The following UBE2D3 variants were observed in gnomAD, a reference collection of about 807,000 sequenced individuals.
The protein encoded by UBE2D3 is ubiquitin conjugating enzyme E2 D3.
A neutral mutation model predicts 22.8 loss-of-function variants in UBE2D3; 2 were observed. The ratio of observed to expected loss-of-function variants is 0.09; its 90% confidence interval spans 0.04 to 0.28. The LOEUF is 0.28. Among genes scored for constraint, UBE2D3 ranks in the 10% least tolerant of loss-of-function variants. UBE2D3 has a pLI of 1.00. For missense variants in UBE2D3, 27 were observed against 182.5 expected (o/e 0.15, Z 4.91); for synonymous variants, 56 against 60.4 (o/e 0.93, Z 0.34).
upstream of UBE2D3, chr4:102,828,037 T>C: frequency 6.1e-6 from 6 of 985,458 alleles, no homozygotes; most frequent in Non-Finnish European, 7.2e-6. Flanking sequence ...TGTGCGCTTT[T>C]CCTGACGGGG....
At position 102,810,172 on chromosome 4, in the gene UBE2D3, C is replaced by T. The variant is rs553991545; in HGVS notation, c.25-317G>A. ...GTTTAAGAGCTTAGACCAGAGAGAG[C>T]TCAACATTCACGTTATTTGTTGAAC... On this transcript the variant is annotated intron_variant, in intron 2 of 7. Coordinates refer to ENST00000453744, the MANE Select transcript of UBE2D3 (RefSeq NM_181891.3). The T allele has an allele frequency of 9.9e-4, 221 of 223,392 alleles. 2 individuals carry two copies. Among genetic ancestry groups the T allele is most frequent in the African/African-American group, 4.5e-3 (194 of 43,224 alleles). 13.8% of individuals were successfully genotyped at this position (223,392 alleles called of 1,614,324 possible).
rs756803964 is a variant in UBE2D3 at position 102,795,472 on chromosome 4, CA to C, written c.*1942del. 6.6e-6 allele frequency: 1 copy of C among 151,876 alleles called. No individual in the cohort carries two copies. Among genetic ancestry groups the C allele is most frequent in the Non-Finnish European group, 1.5e-5 (1 of 67,906 alleles). The allele number at this position is 151,876 out of a possible 1,614,324, so 9.4% of individuals were successfully genotyped here. A position where few individuals can be genotyped will look rare whatever the true frequency, so the allele number is the denominator to read the frequency against. ...TAATTTCTCATTCATAATTTGAATCCAAAAAAGTTATGCAGTATGACATCTA... is the reference window on the plus strand; with the variant it reads ...TAATTTCTCATTCATAATTTGAATCCAAAAAGTTATGCAGTATGACATCTA... On this transcript the variant is annotated 3_prime_UTR_variant, in exon 8 of 8. Coordinates refer to ENST00000453744, the MANE Select transcript of UBE2D3 (RefSeq NM_181891.3).
intron 1 of UBE2D3, among the ~76,000 whole-genome samples, chr4:102,842,821 C>CAGGT (rs917629997): frequency 7.9e-5 from 12 of 152,110 alleles, no homozygotes; most frequent in African/African-American, 2.9e-4. Context: ...GTAAGACTAC[C>CAGGT]AGTTTTGGCC....
intron 2 of UBE2D3, among the ~76,000 whole-genome samples, chr4:102,824,511 A>G (rs1730148261): frequency 6.6e-6 from 1 of 152,238 alleles, no homozygotes; most frequent in South Asian, 2.1e-4. Context: ...TTCATATTAC[A>G]ACAGATACCC....
intron 2 of UBE2D3, among the ~76,000 whole-genome samples, chr4:102,824,498 T>C (rs1448561296): frequency 6.6e-6 from 1 of 152,250 alleles, no homozygotes; most frequent in African/African-American, 2.4e-5. Context: ...CAGTCATTTA[T>C]TGTTCATATT....
chr4:102,826,928 G>C, intron 1 of UBE2D3: 7 of 1,012,034 alleles, frequency 6.9e-6, no homozygotes, highest in Non-Finnish European at 8.3e-6. Context: ...GCCCAGCAGA[G>C]GAGGAGCCGG....
chr4:102,868,858 C>T, exon 1 of UBE2D3: 1 of 1,519,368 alleles, frequency 6.6e-7, no homozygotes. Flanking sequence ...AGGAGGGCCT[C>T]GCTACCCGCC....
chr4:102,835,633 T>G (rs982842975), intron 1 of UBE2D3, among the ~76,000 whole-genome samples: 2 of 152,370 alleles, frequency 1.3e-5, no homozygotes, highest in African/African-American at 4.8e-5. Flanking sequence ...AAAGGAACTA[T>G]GTTGTCTAGC....
At chr4:102,827,907 C>A (rs550371974), upstream of UBE2D3, 1 of 985,612 alleles carries the variant, frequency 1.0e-6, no homozygotes, top group South Asian at 4.7e-5. Flanking sequence ...CGATCCAGCC[C>A]CACGCCCCTC....
chr4:102,830,694 T>A (rs1731072055), upstream of UBE2D3, among the ~76,000 whole-genome samples: 1 of 152,102 alleles, frequency 6.6e-6, no homozygotes. Context: ...GGTGACCCAG[T>A]CTCTACAAAA....
chr4:102,814,772 T>TG (rs1728562103), intron 2 of UBE2D3, among the ~76,000 whole-genome samples: 1 of 152,184 alleles, frequency 6.6e-6, no homozygotes, highest in Non-Finnish European at 1.5e-5. Flanking sequence ...TTAATTCATC[T>TG]GTTACTGAAC....
chr4:102,831,187 T>C (rs1290330942), upstream of UBE2D3, among the ~76,000 whole-genome samples: 1 of 152,230 alleles, frequency 6.6e-6, no homozygotes, highest in East Asian at 1.9e-4. Context: ...ATATTCAGAA[T>C]GCTCATTTAC....
At chr4:102,809,920 C>A in intron 2 of UBE2D3, 65 bp from the exon 3 acceptor site, 2 of 1,475,426 alleles carry the variant, frequency 1.4e-6, no homozygotes, top group South Asian at 2.3e-5. Context: ...CAAATGAGTC[C>A]ACTGCTTTCA....
Position 102,797,309 on chromosome 4 carries a change from A to T in UBE2D3, c.*106T>A. On this transcript the variant is annotated 3_prime_UTR_variant, in exon 8 of 8. Coordinates refer to ENST00000453744, the MANE Select transcript of UBE2D3 (RefSeq NM_181891.3). ...GGTAAACAAAAAATAAAATTAAAAA[A>T]GATGAGGTCTGATAGGGGAGCAGCC... 1 of 928,848 alleles carries T rather than the reference A, an allele frequency of 1.1e-6. No individual in the cohort carries two copies. The highest frequency in any genetic ancestry group is 1.6e-6 in the Non-Finnish European group (1 of 617,598). 57.5% of individuals were successfully genotyped at this position (928,848 alleles called of 1,614,324 possible).
chr4:102,799,400 T>C lies in UBE2D3; in HGVS notation c.398+7A>G, dbSNP rs776786053. 3 of 1,608,362 alleles carry C rather than the reference T, an allele frequency of 1.9e-6. No homozygotes were observed. In the Admixed American group the frequency reaches 5.0e-5, roughly 27 times the overall value. The stretch of plus-strand genomic sequence containing the variant: ...CCACTTTTATAATAACTTTTTAACA[T>C]ACTTACTTATCTCTGTCTGTTTTAT... On this transcript the variant is annotated splice_region_variant and intron_variant, in intron 7 of 7. Transcript: ENST00000453744.
At chr4:102,803,353 C>T (rs1164514282) in intron 4 of UBE2D3, among the ~76,000 whole-genome samples, 2 of 152,068 alleles carry the variant, frequency 1.3e-5, no homozygotes, top group African/African-American at 2.4e-5. Context: ...AGAACCAATC[C>T]GAAGACATGT....
chr4:102,797,709 C>T (rs1365849582), intron 7 of UBE2D3, among the ~76,000 whole-genome samples: 1 of 151,826 alleles, frequency 6.6e-6, no homozygotes, highest in Non-Finnish European at 1.5e-5. Context: ...AATTGGGAGG[C>T]TAACAAAAAT....
chr4:102,825,284 A>AT, intron 2 of UBE2D3: 5 of 986,314 alleles, frequency 5.1e-6, no homozygotes, highest in Non-Finnish European at 6.0e-6. Context: ...ATTCCATGAC[A>AT]TTTTTTTCAA....
chr4:102,799,629 C>G, intron 6 of UBE2D3, 129 bp from the exon 7 acceptor site: 4 of 623,172 alleles, frequency 6.4e-6, no homozygotes, highest in Non-Finnish European at 1.1e-5. Flanking sequence ...CTCAATGAGA[C>G]ACAGTTTTAC....
Sources: allele counts gnomAD v4.1 joint callset (sites outside exome capture counted in the v4.1 genomes callset), GRCh38; gene constraint gnomAD v4.1.1; transcripts MANE v1.5; gene names NCBI Gene and HGNC (gene_info 2026-07-23, HGNC 2026-07-21).